BCLAF3: variants seen among roughly 807,000 people sequenced by gnomAD.
The protein encoded by BCLAF3 is transient octamer binding factor 1.
BCLAF3 carries 24 observed loss-of-function variants against 51.2 expected under a neutral mutation model. The ratio of observed to expected loss-of-function variants is 0.47; its 90% CI spans 0.34 to 0.66. BCLAF3 has a LOEUF of 0.66. Ranked by LOEUF, BCLAF3 falls within the 30% of genes least tolerant of loss-of-function variation. The probability of loss-of-function intolerance (pLI) is 0.01; values close to 1 mark genes in which losing one functional copy is unlikely to be tolerated. For missense variants in BCLAF3, 465 were observed against 525.1 expected (o/e 0.89, Z 1.12); for synonymous variants, 152 against 176.6 (o/e 0.86, Z 1.10).
intron 8 of BCLAF3, among the ~76,000 whole-genome samples, chrX:19,946,023 A>G (rs1392135374): frequency 9.2e-6 from 1 of 108,887 alleles, no homozygotes; most frequent in Non-Finnish European, 1.9e-5. Flanking sequence ...TTCGGGTGGG[A>G]GTGACCCGAT....
rs190971008 is a variant in BCLAF3, at chrX:19,948,049, G to T, written c.1745+2704C>A. On this transcript the variant is annotated intron_variant, in intron 8 of 11. Transcript: ENST00000379682. Reference sequence around the variant, plus strand: ...TTAGGATAAAGTGAGAGATTAATAAGAAGAGTTGGCAACGATGTGGAGCAA... The same window carrying T: ...TTAGGATAAAGTGAGAGATTAATAATAAGAGTTGGCAACGATGTGGAGCAA... Among the ~76,000 whole-genome samples the T allele has an allele frequency of 8.9e-5, 10 of 112,208 alleles. 1 individual carries two copies. In the East Asian group the frequency reaches 2.8e-3, roughly 31 times the overall value.
rs200568773 is a variant in BCLAF3, at chrX:19,940,276, A to AT, written c.1746-2745dup. Among the ~76,000 whole-genome samples the AT allele has an allele frequency of 1.4e-3, 139 of 101,388 alleles. 1 individual carries two copies. In the East Asian group the frequency reaches 0.021, roughly 15 times the overall value. 88.0% of individuals were successfully genotyped at this position (101,388 alleles called of 115,157 possible). On this transcript the variant is annotated intron_variant, in intron 8 of 11. Transcript: ENST00000379682. ...GTCTTTATTTTTTATTTATTTATTT[A>AT]TTTTTTTTTTTTTATTATACTTTAA...
chrX:19,927,776 G>A (rs1168798935), intron 11 of BCLAF3, among the ~76,000 whole-genome samples: 1 of 109,171 alleles, frequency 9.2e-6, no homozygotes, highest in African/African-American at 3.3e-5. Context: ...CAAGTAGCTG[G>A]GACTACAGGC....
At chrX:19,950,657 T>TTAAATTTCAA (rs2071447897) in intron 8 of BCLAF3, 96 bp downstream of exon 8, 1 of 553,699 alleles carries the variant, frequency 1.8e-6, no homozygotes, top group Admixed American at 3.4e-5. Flanking sequence ...AGCAAATCCC[T>TTAAATTTCAA]ATATTAAAAT....
rs2148006121 is a variant in BCLAF3, at chrX:19,975,068, C to T, written c.-34-4770G>A. Among the ~76,000 whole-genome samples, 2 of 111,192 alleles carry T rather than the reference C, an allele frequency of 1.8e-5. 1 individual carries two copies. The highest frequency in any genetic ancestry group is 6.5e-5 in the African/African-American group (2 of 30,682). On this transcript the variant is annotated intron_variant, in intron 1 of 11. Coordinates refer to ENST00000379682, the MANE Select transcript of BCLAF3 (RefSeq NM_001367774.2). ...AAGCATACTAAAAACCACTGAAATG[C>T]ACACTTTAAACCAGTAAACTATAAA...
chrX:19,937,393 G>T, intron 9 of BCLAF3, 25 bp downstream of exon 9: 1 of 845,216 alleles, frequency 1.2e-6, no homozygotes, highest in Non-Finnish European at 1.8e-6. Flanking sequence ...TTATAAAAAT[G>T]CAAATTTTGG....
chrX:19,963,374 T>C lies in BCLAF3; in HGVS notation c.1274+1670A>G, dbSNP rs192722323. On this transcript the variant is annotated intron_variant, in intron 4 of 11. Coordinates refer to ENST00000379682, the MANE Select transcript of BCLAF3 (RefSeq NM_001367774.2). Reference sequence around the variant, plus strand: ...AGGTAACATTCTTAAACTTGGTACTTACAGAAGCTTTTATGCTTTTAAGAT... The same window carrying C: ...AGGTAACATTCTTAAACTTGGTACTCACAGAAGCTTTTATGCTTTTAAGAT... Among the ~76,000 whole-genome samples the C allele has an allele frequency of 3.1e-3, 335 of 109,609 alleles. 1 individual carries two copies. The highest frequency in any genetic ancestry group is 9.7e-3 in the South Asian group (24 of 2,478).
intron 8 of BCLAF3, among the ~76,000 whole-genome samples, chrX:19,940,828 T>A (rs2071003221): frequency 9.0e-6 from 1 of 111,505 alleles, no homozygotes; most frequent in Non-Finnish European, 1.9e-5. Flanking sequence ...TAGTTCTAGA[T>A]CCCTGAGGAA....
intron 4 of BCLAF3, among the ~76,000 whole-genome samples, chrX:19,957,827 T>C (rs1345411178): frequency 8.9e-6 from 1 of 112,108 alleles, no homozygotes; most frequent in African/African-American, 3.2e-5. Flanking sequence ...AATTTTAGTC[T>C]TTTAAAAACA....
At position 19,959,465 on chromosome X, in the gene BCLAF3, A is replaced by C. The variant is rs1410001508; in HGVS notation, c.1275-3899T>G. 4.5e-5 allele frequency among the ~76,000 whole-genome samples: 5 copies of C among 111,615 alleles called. No individual in the cohort carries two copies. In the Admixed American group the frequency reaches 4.7e-4, roughly 11 times the overall value. On this transcript the variant is annotated intron_variant, in intron 4 of 11. Transcript: ENST00000379682. The stretch of plus-strand genomic sequence containing the variant: ...TTTGAAATGAGTGTTTCAGCTAGAG[A>C]GATGATAAGGTCAAGTGCGGTGGCT...
chrX:19,952,642 C>A (rs184871574), intron 7 of BCLAF3, among the ~76,000 whole-genome samples: 1 of 111,094 alleles, frequency 9.0e-6, no homozygotes, highest in Non-Finnish European at 1.9e-5. Context: ...AAATATATTC[C>A]ACGTGATTGC....
In BCLAF3 at chrX:19,966,097, CCTT is replaced by C; in HGVS notation, c.591_593del (p.Arg198del). The C allele has an allele frequency of 8.3e-7, 1 of 1,208,618 alleles. No homozygotes were observed. Among genetic ancestry groups the C allele is most frequent in the Non-Finnish European group, 1.1e-6 (1 of 894,279 alleles). ...TCCTATACCTCTTCTGAAATGAGCT[CCTT>C]GTCTCAAAGTCTTCAGAGCCTCTTC... is the stretch of plus-strand genomic sequence containing the variant. On this transcript the variant is annotated inframe_deletion, in exon 3 of 12. Transcript: ENST00000379682.
chrX:19,963,463 T>C (rs778787242), intron 4 of BCLAF3, among the ~76,000 whole-genome samples: 1 of 111,368 alleles, frequency 9.0e-6, no homozygotes, highest in South Asian at 3.8e-4. Flanking sequence ...AGATGCAAAA[T>C]TATTAATATG....
chrX:19,969,627 T>C (rs1260492801), intron 2 of BCLAF3, among the ~76,000 whole-genome samples: 1 of 112,079 alleles, frequency 8.9e-6, no homozygotes, highest in Non-Finnish European at 1.9e-5. Context: ...TTCCCCACTG[T>C]ATCATAGTTG....
chrX:19,946,659 G>A (rs2071312968), intron 8 of BCLAF3, among the ~76,000 whole-genome samples: 1 of 111,641 alleles, frequency 9.0e-6, no homozygotes, highest in African/African-American at 3.3e-5. Flanking sequence ...ACGTCCTTCA[G>A]TTCTTCAAAG....
rs1288314137 is a variant in BCLAF3, at chrX:19,970,242, G to A, written c.23C>T (p.Ser8Phe). The change falls in exon 2 of 12, where the codon TCC becomes TTC. Residue 8 changes from serine to phenylalanine, a missense_variant. Transcript: ENST00000379682. MARSRSR[S>F]PRWKHRSLSP... ...TGCTCACCTGTGTTTCCACCTGGGG[G>A]ATCTAGATCGTGACCGTGCCATCCT... 3 of 1,211,170 alleles carry A rather than the reference G, an allele frequency of 2.5e-6. No individual in the cohort carries two copies. The highest frequency in any genetic ancestry group is 3.4e-6 in the Non-Finnish European group (3 of 894,806).
intron 11 of BCLAF3, among the ~76,000 whole-genome samples, chrX:19,928,103 G>A (rs1440929574): frequency 1.9e-5 from 2 of 105,661 alleles, no homozygotes; most frequent in African/African-American, 6.9e-5. Flanking sequence ...GGCTGGTCTC[G>A]AACTCCTGGG....
chrX:19,974,404 C>A (rs2072353441), intron 1 of BCLAF3, among the ~76,000 whole-genome samples: 1 of 111,926 alleles, frequency 8.9e-6, no homozygotes, highest in South Asian at 3.7e-4. Context: ...GTGGGCCCCA[C>A]TCTAGCAGGT....
chrX:19,987,302 C>A (rs907192726), intron 1 of BCLAF3, among the ~76,000 whole-genome samples: 2 of 111,476 alleles, frequency 1.8e-5, no homozygotes. Flanking sequence ...TTGGTCCAAA[C>A]TGAATTTACT....
Sources: allele counts gnomAD v4.1 joint callset (sites outside exome capture counted in the v4.1 genomes callset), GRCh38; gene constraint gnomAD v4.1.1; transcripts MANE v1.5; gene names NCBI Gene and HGNC (gene_info 2026-07-23, HGNC 2026-07-21).